The following C2CD2 variants were observed in gnomAD, a reference collection of about 807,000 sequenced individuals.
C2CD2 encodes C2 calcium dependent domain containing 2.
In C2CD2, 43 loss-of-function variants were observed where a neutral mutation model predicts 74.3. The ratio of observed to expected loss-of-function variants is 0.58; its 90% CI spans 0.45 to 0.75. C2CD2 has a LOEUF of 0.75. C2CD2 is among the 30% of genes least tolerant of loss of function. The probability of loss-of-function intolerance (pLI) is 0.00; values close to 1 mark genes in which losing one functional copy is unlikely to be tolerated. For synonymous variants in C2CD2, 422 were observed against 390.7 expected, an observed-to-expected ratio of 1.08 and a Z score of -0.94; for missense variants, 801 against 916.3, an observed-to-expected ratio of 0.87 and a Z score of 1.63.
In C2CD2 at chr21:41,923,316, T is replaced by C. The variant is rs1489493010; in HGVS notation, c.379-1231A>G. Reference sequence around the variant, plus strand: ...CCAACAAAGTCTTTTTCTTTAAATATCATCTTGTTCTATTTCTCCACAATA... The same window carrying C: ...CCAACAAAGTCTTTTTCTTTAAATACCATCTTGTTCTATTTCTCCACAATA... On this transcript the variant is annotated intron_variant, in intron 2 of 13. Coordinates refer to ENST00000380486, the MANE Select transcript of C2CD2 (RefSeq NM_015500.2). This position sits in a 1 kb window ranked among gnomAD's most constrained non-coding sequence, Gnocchi z 5.8. Among the ~76,000 whole-genome samples the C allele has an allele frequency of 6.6e-6, 1 of 152,198 alleles. No individual in the cohort carries two copies. Among genetic ancestry groups the C allele is most frequent in the Non-Finnish European group, 1.5e-5 (1 of 68,034 alleles).
chr21:41,928,985 C>G (rs574938266), intron 2 of C2CD2, among the ~76,000 whole-genome samples: 1 of 151,602 alleles, frequency 6.6e-6, no homozygotes, highest in Admixed American at 6.6e-5. Context: ...GTGATAATAT[C>G]ATACCTGTAA....
Position 41,899,082 on chromosome 21 carries a change from A to G in C2CD2, c.1841T>C (p.Leu614Ser), listed in dbSNP as rs2146144397. ...DELSESSMSV[L>S]EPGTAKKHKG... The stretch of plus-strand genomic sequence containing the variant: ...ATGCTTTTTGGCAGTGCCCGGCTCC[A>G]AGACACTCATGGAGCTCTCTGACAG... The change falls in exon 13 of 14, where the codon TTG becomes TCG. Residue 614 changes from leucine to serine, a missense_variant. By Grantham distance (145) the Leu-to-Ser change is moderately radical (BLOSUM62 -2). Coordinates refer to ENST00000380486, the MANE Select transcript of C2CD2 (RefSeq NM_015500.2). The surrounding 1 kb of genome is among the most constrained non-coding windows in gnomAD (Gnocchi z 4.4). 1 of 1,613,956 alleles carries G rather than the reference A, an allele frequency of 6.2e-7. No individual in the cohort carries two copies. The highest frequency in any genetic ancestry group is 8.5e-7 in the Non-Finnish European group (1 of 1,180,002).
chr21:41,894,432 A>G (rs2064796634), intron 13 of C2CD2: 1 of 361,916 alleles, frequency 2.8e-6, no homozygotes, highest in South Asian at 2.1e-5. Context: ...GGTGTGTGAC[A>G]TTGCGCTTTC....
intron 1 of C2CD2, among the ~76,000 whole-genome samples, chr21:41,950,020 G>C (rs2065437075): frequency 6.6e-6 from 1 of 152,038 alleles, no homozygotes. Context: ...GATAGCACTA[G>C]GACAAATACC....
At position 41,947,139 on chromosome 21, in the gene C2CD2, T is replaced by TCTCTCTCTCTCTCTCTCTCC. The variant is rs1365076208; in HGVS notation, c.280-4895_280-4894insGGAGAGAGAGAGAGAGAGAG. On this transcript the variant is annotated intron_variant, in intron 1 of 13. Coordinates refer to ENST00000380486, the MANE Select transcript of C2CD2 (RefSeq NM_015500.2). ...CTCTCTCTCTCTCTCTCTCTCTCTC[T>TCTCTCTCTCTCTCTCTCTCC]CCCTCCCTCCCTCCCTCCCTCTCTC... Among the ~76,000 whole-genome samples the TCTCTCTCTCTCTCTCTCTCC allele has an allele frequency of 5.1e-4, 62 of 122,370 alleles. 2 individuals carry two copies. The highest frequency in any genetic ancestry group is 1.9e-3 in the South Asian group (6 of 3,156). 80.3% of individuals were successfully genotyped at this position (122,370 alleles called of 152,430 possible). A position where few individuals can be genotyped will look rare whatever the true frequency, so the allele number is the denominator to read the frequency against.
chr21:41,942,081 A>T, intron 2 of C2CD2, 66 bp downstream of exon 2: 1 of 1,536,508 alleles, frequency 6.5e-7, no homozygotes, highest in Non-Finnish European at 8.8e-7. Context: ...ATTCTAAACA[A>T]AGCAAACTCC....
chr21:41,932,919 T>G (rs1394157571), intron 2 of C2CD2, among the ~76,000 whole-genome samples: 4 of 149,920 alleles, frequency 2.7e-5, no homozygotes, highest in African/African-American at 9.7e-5. Flanking sequence ...CGGCAGCCAG[T>G]TTCATTGGGA....
intron 12 of C2CD2, 64 bp downstream of exon 12, chr21:41,901,557 GC>G: frequency 1.3e-6 from 2 of 1,562,892 alleles, no homozygotes; most frequent in Non-Finnish European, 1.8e-6. Context: ...TCTTCAAAGG[GC>G]AGAGGAGCAG....
Position 41,953,860 on chromosome 21 carries a change from C to G in C2CD2, c.-212G>C. ...GGCCGCGGCCCGGGCTGGGCGCAAG[C>G]CCCGCACACCTGCGGAACAGGGGCG... is the stretch of plus-strand genomic sequence containing the variant. On this transcript the variant is annotated 5_prime_UTR_variant, in exon 1 of 14. Transcript: ENST00000380486. 3.6e-6 allele frequency: 1 copy of G among 279,408 alleles called. No individual in the cohort carries two copies. The highest frequency in any genetic ancestry group is 6.4e-6 in the Non-Finnish European group (1 of 156,214). The allele number at this position is 279,408 out of a possible 1,614,324, so 17.3% of individuals were successfully genotyped here. A position where few individuals can be genotyped will look rare whatever the true frequency, so the allele number is the denominator to read the frequency against.
rs765182516 is a variant in C2CD2, at chr21:41,945,700, T to C, written c.280-3455A>G. On this transcript the variant is annotated intron_variant, in intron 1 of 13. Transcript: ENST00000380486. This position sits in a 1 kb window ranked among gnomAD's most constrained non-coding sequence, Gnocchi z 4.2. ...CTGGATCATGGGGCAGTCTCTCCCA[T>C]ACTGTTCTCATATAGTGAGTTCTCA... is the stretch of plus-strand genomic sequence containing the variant. Among the ~76,000 whole-genome samples the C allele has an allele frequency of 6.6e-6, 1 of 152,208 alleles. No individual in the cohort carries two copies. Among genetic ancestry groups the C allele is most frequent in the Non-Finnish European group, 1.5e-5 (1 of 68,038 alleles).
intron 1 of C2CD2, chr21:41,943,027 A>T: frequency 1.3e-6 from 1 of 761,158 alleles, no homozygotes; most frequent in Non-Finnish European, 1.6e-6. Context: ...AAAGCCAGGC[A>T]TGGTGGCTCA....
intron 1 of C2CD2, among the ~76,000 whole-genome samples, chr21:41,943,920 T>C (rs1005933955): frequency 2.0e-5 from 3 of 152,182 alleles, no homozygotes; most frequent in Non-Finnish European, 4.4e-5. Flanking sequence ...GGGAGCTTGT[T>C]TGAGTGGGAC....
At position 41,920,086 on chromosome 21, in the gene C2CD2, A is replaced by G. The variant is rs370006299; in HGVS notation, c.493-1126T>C. Among the ~76,000 whole-genome samples, 6 of 152,368 alleles carry G rather than the reference A, an allele frequency of 3.9e-5. No individual in the cohort carries two copies. The South Asian group carries it at 1.0e-3, about 26-fold the overall frequency. The stretch of plus-strand genomic sequence containing the variant: ...AAATGGCCCTCCACTGACAGCCACA[A>G]GAAAATGGAACTCAGTCCCGTAATC... On this transcript the variant is annotated intron_variant, in intron 3 of 13. Coordinates refer to ENST00000380486, the MANE Select transcript of C2CD2 (RefSeq NM_015500.2).
At chr21:41,946,754 TACA>T (rs1012774706) in intron 1 of C2CD2, among the ~76,000 whole-genome samples, 7 of 152,152 alleles carry the variant, frequency 4.6e-5, no homozygotes, top group East Asian at 1.9e-4. Flanking sequence ...CAGCATCCTC[TACA>T]ACAAGACACG....
At chr21:41,909,851 A>T (rs899939686) in intron 7 of C2CD2, among the ~76,000 whole-genome samples, 2 of 152,086 alleles carry the variant, frequency 1.3e-5, no homozygotes, top group Admixed American at 6.6e-5. Flanking sequence ...ATTTTAAAAA[A>T]TTTCCATTAA....
chr21:41,937,876 C>A (rs1396461677), intron 2 of C2CD2, among the ~76,000 whole-genome samples: 1 of 152,152 alleles, frequency 6.6e-6, no homozygotes. Flanking sequence ...TCCACGTGAT[C>A]TCACTTACAA....
Position 41,893,698 on chromosome 21 carries a change from C to CCTT in C2CD2, c.1871-4355_1871-4354insAAG, listed in dbSNP as rs1555899232. Among the ~76,000 whole-genome samples, 235 of 122,090 alleles carry CCTT rather than the reference C, an allele frequency of 1.9e-3. 4 individuals are homozygous for CCTT. Among genetic ancestry groups the CCTT allele is most frequent in the African/African-American group, 6.0e-3 (196 of 32,514 alleles). 80.1% of individuals were successfully genotyped at this position (122,090 alleles called of 152,430 possible). ...GCATGTCTGCTGTTTTGTTAAATTTCTTTTTTTTTTTTTTTTTTTTTGAGA... is the reference window on the plus strand; with the variant it reads ...GCATGTCTGCTGTTTTGTTAAATTTCCTTTTTTTTTTTTTTTTTTTTTTTGAGA... On this transcript the variant is annotated intron_variant, in intron 13 of 13. Transcript: ENST00000380486.
At chr21:41,894,335 T>A (rs1404921829) in intron 13 of C2CD2, among the ~76,000 whole-genome samples, 1 of 152,218 alleles carries the variant, frequency 6.6e-6, no homozygotes, top group Non-Finnish European at 1.5e-5. Flanking sequence ...CTCAATTAGC[T>A]ATTTATGTTT....
In C2CD2 at chr21:41,929,766, A is replaced by G. The variant is rs1195556765; in HGVS notation, c.379-7681T>C. Among the ~76,000 whole-genome samples, 2 of 152,228 alleles carry G rather than the reference A, an allele frequency of 1.3e-5. No individual in the cohort carries two copies. The highest frequency in any genetic ancestry group is 1.5e-5 in the Non-Finnish European group (1 of 68,038). On this transcript the variant is annotated intron_variant, in intron 2 of 13. Transcript: ENST00000380486. This position sits in a 1 kb window ranked among gnomAD's most constrained non-coding sequence, Gnocchi z 4.6. ...GTCCAGCTCAGCTCCTGCCCTCATC[A>G]GCAAGTTTTCCAAATGAAAGTTACG...
Sources: allele counts gnomAD v4.1 joint callset (sites outside exome capture counted in the v4.1 genomes callset), GRCh38; gene constraint gnomAD v4.1.1; non-coding constraint Gnocchi (gnomAD v3.1); transcripts MANE v1.5; gene names NCBI Gene and HGNC (gene_info 2026-07-23, HGNC 2026-07-21).